Variants in TMEM178B observed in about 807,000 individuals in gnomAD.
TMEM178B encodes transmembrane protein 178B.
TMEM178B carries 5 observed loss-of-function variants against 31.0 expected under a neutral mutation model. The ratio of observed to expected loss-of-function variants is 0.16; its 90% confidence interval spans 0.08 to 0.34. TMEM178B has a LOEUF of 0.34. Ranked by LOEUF, TMEM178B falls within the 10% of genes least tolerant of loss-of-function variation. The pLI is 1.00. For missense variants in TMEM178B, 275 were observed against 400.3 expected, an observed-to-expected ratio of 0.69 and a Z score of 2.67; for synonymous variants, 164 against 164.0, an observed-to-expected ratio of 1.00 and a Z score of 0.00.
At chr7:141,336,524 C>G (rs375733055) in intron 2 of TMEM178B, among the ~76,000 whole-genome samples, 1 of 152,032 alleles carries the variant, frequency 6.6e-6, no homozygotes, top group Non-Finnish European at 1.5e-5. Flanking sequence ...ACTAGTAACA[C>G]CTACCTGTTT....
chr7:141,491,155 G>A, the TMEM178B span, among the ~76,000 whole-genome samples: 85 of 152,184 alleles, frequency 5.6e-4, 1 homozygote, highest in South Asian at 0.011. Flanking sequence ...AGCCTCCTGA[G>A]TAGCTGGGAC....
intron 2 of TMEM178B, among the ~76,000 whole-genome samples, chr7:141,249,228 G>A (rs938078753): frequency 1.3e-5 from 2 of 152,178 alleles, no homozygotes; most frequent in East Asian, 1.9e-4. Flanking sequence ...TGTTCTCGTG[G>A]TAGTGAATAA....
At chr7:141,419,285 G>A (rs1263714419) in intron 2 of TMEM178B, among the ~76,000 whole-genome samples, 2 of 152,142 alleles carry the variant, frequency 1.3e-5, no homozygotes, top group Admixed American at 6.5e-5. Context: ...AACACTCTAG[G>A]TCTCCTCTTT....
the TMEM178B span, among the ~76,000 whole-genome samples, chr7:141,506,639 G>C: frequency 6.6e-6 from 1 of 152,118 alleles, no homozygotes; most frequent in Non-Finnish European, 1.5e-5. Flanking sequence ...TGGGGACACA[G>C]CCAAACCATA....
At chr7:141,173,137 A>G (rs1017568216) in intron 1 of TMEM178B, 4 of 152,224 alleles carry the variant, frequency 2.6e-5, no homozygotes, top group Admixed American at 6.5e-5. Context: ...TGAGAATTCT[A>G]TGATGGATCG....
intron 2 of TMEM178B, among the ~76,000 whole-genome samples, chr7:141,233,638 C>T (rs930804836): frequency 2.6e-5 from 4 of 152,168 alleles, no homozygotes; most frequent in Non-Finnish European, 5.9e-5. Flanking sequence ...CCTTGTAGCA[C>T]AGATACCTTC....
chr7:141,321,204 A>C (rs1413671819), intron 2 of TMEM178B, among the ~76,000 whole-genome samples: 1 of 152,182 alleles, frequency 6.6e-6, no homozygotes, highest in Non-Finnish European at 1.5e-5. Flanking sequence ...GATCTCTAGA[A>C]TTGACCAAGG....
intron 1 of TMEM178B, among the ~76,000 whole-genome samples, chr7:141,094,239 G>A (rs1024417867): frequency 6.6e-6 from 1 of 152,170 alleles, no homozygotes; most frequent in Admixed American, 6.5e-5. Context: ...AGGTGAGGCA[G>A]GAAGAAAAAA....
chr7:141,136,235 C>G (rs1795673634), intron 1 of TMEM178B, among the ~76,000 whole-genome samples: 1 of 152,104 alleles, frequency 6.6e-6, no homozygotes, highest in Admixed American at 6.5e-5. Flanking sequence ...ATATTTACAG[C>G]CAACTGATCT....
chr7:141,200,258 G>A (rs2129186158), intron 1 of TMEM178B, among the ~76,000 whole-genome samples: 1 of 152,284 alleles, frequency 6.6e-6, no homozygotes. Flanking sequence ...TAGTGGGCCT[G>A]TCCTGGTTGC....
chr7:141,453,289 A>C (rs563956660), intron 3 of TMEM178B, among the ~76,000 whole-genome samples: 1 of 152,208 alleles, frequency 6.6e-6, no homozygotes, highest in Non-Finnish European at 1.5e-5. Context: ...GCTCATCTTT[A>C]TTTTAAGGTT....
At chr7:141,123,896 G>A (rs748066108) in intron 1 of TMEM178B, among the ~76,000 whole-genome samples, 1 of 152,086 alleles carries the variant, frequency 6.6e-6, no homozygotes, top group Admixed American at 6.5e-5. Context: ...GGGACCACAG[G>A]CGCACAACAC....
intron 2 of TMEM178B, among the ~76,000 whole-genome samples, chr7:141,225,521 C>T (rs757865291): frequency 6.6e-6 from 1 of 152,094 alleles, no homozygotes; most frequent in Non-Finnish European, 1.5e-5. Flanking sequence ...GAAACCCAGT[C>T]ATCATTTATA....
At chr7:141,220,211 G>C (rs1797232582) in intron 2 of TMEM178B, among the ~76,000 whole-genome samples, 1 of 32,462 alleles carries the variant, frequency 3.1e-5, no homozygotes, top group Non-Finnish European at 4.6e-5. Context: ...GGAGGCTGAG[G>C]CAGAGGCAGG....
At chr7:141,193,362 C>T (rs1435070764) in intron 1 of TMEM178B, among the ~76,000 whole-genome samples, 2 of 152,146 alleles carry the variant, frequency 1.3e-5, no homozygotes, top group Non-Finnish European at 2.9e-5. Context: ...TCAGAGAGGC[C>T]CTGAATGCAA....
intron 2 of TMEM178B, among the ~76,000 whole-genome samples, chr7:141,277,534 GT>G (rs1798285222): frequency 6.6e-6 from 1 of 152,072 alleles, no homozygotes; most frequent in Non-Finnish European, 1.5e-5. Context: ...CTCTTTTACA[GT>G]TAACTTTGTT....
chr7:141,104,382 G>T (rs1487921730), intron 1 of TMEM178B, among the ~76,000 whole-genome samples: 1 of 152,174 alleles, frequency 6.6e-6, no homozygotes, highest in African/African-American at 2.4e-5. Flanking sequence ...CTCCTCTCCA[G>T]GTGCAAGAAT....
intron 1 of TMEM178B, among the ~76,000 whole-genome samples, chr7:141,181,468 A>G (rs187607550): frequency 6.6e-6 from 1 of 152,310 alleles, no homozygotes; most frequent in East Asian, 1.9e-4. Context: ...AAAAGGCTCC[A>G]TGTAGGCTGA....
intron 1 of TMEM178B, among the ~76,000 whole-genome samples, chr7:141,203,984 A>G (rs1796921275): frequency 6.6e-6 from 1 of 152,184 alleles, no homozygotes; most frequent in African/African-American, 2.4e-5. Context: ...GAGAACCAAA[A>G]AGGAAGAGAA....
Sources: gnomAD v4.1 joint callset for allele counts (sites outside exome capture counted in the v4.1 genomes callset) on GRCh38, gnomAD v4.1.1 for gene constraint, MANE v1.5 for transcripts, NCBI Gene and HGNC (gene_info 2026-07-23, HGNC 2026-07-21) for gene names.